ITGBL1: variants seen among roughly 807,000 people sequenced by gnomAD.
ITGBL1 encodes integrin subunit beta like 1.
A neutral mutation model predicts 68.5 loss-of-function variants in ITGBL1; 51 were observed. That is an observed-to-expected ratio of 0.74 (90% CI 0.59 to 0.94). The LOEUF is 0.94. ITGBL1 is among the 40% of genes least tolerant of loss of function. The pLI is 0.00. For synonymous variants in ITGBL1, 209 were observed against 227.3 expected, an observed-to-expected ratio of 0.92 and a Z score of 0.72; for missense variants, 649 against 647.4, an observed-to-expected ratio of 1.00 and a Z score of -0.03.
chr13:101,671,441 T>TTG lies in ITGBL1; in HGVS notation c.1016-21143_1016-21142insGT, dbSNP rs1555365712. 1.0e-3 allele frequency among the ~76,000 whole-genome samples: 95 copies of TTG among 91,818 alleles called. 5 individuals carry two copies. The highest frequency in any genetic ancestry group is 8.4e-3 in the Admixed American group (75 of 8,974). The allele number at this position is 91,818 out of a possible 152,430, so 60.2% of individuals were successfully genotyped here. ...GTATACCTTTGTTTTTTTTTTGTTT[T>TTG]TTTTTGTTTTTTTTTGAGACGGAGT... On this transcript the variant is annotated intron_variant, in intron 7 of 10. Transcript: ENST00000376180.
intron 7 of ITGBL1, among the ~76,000 whole-genome samples, chr13:101,647,190 T>C (rs769315190): frequency 2.0e-5 from 3 of 152,158 alleles, no homozygotes; most frequent in Non-Finnish European, 4.4e-5. Flanking sequence ...CACATAATCA[T>C]GAGAATAAAT....
chr13:101,533,866 C>T (rs147751644), intron 2 of ITGBL1, among the ~76,000 whole-genome samples: 6 of 152,184 alleles, frequency 3.9e-5, no homozygotes, highest in East Asian at 1.9e-4. Flanking sequence ...CTTTGGACAC[C>T]TTGAAATCAA....
chr13:101,673,995 T>TATTTTGATC (rs1389183609), intron 7 of ITGBL1, among the ~76,000 whole-genome samples: 6 of 152,216 alleles, frequency 3.9e-5, no homozygotes, highest in African/African-American at 1.4e-4. Context: ...TTTAGAGACG[T>TATTTTGATC]ATTTTGATCA....
chr13:101,670,262 A>G (rs2033324908), intron 7 of ITGBL1, among the ~76,000 whole-genome samples: 1 of 152,172 alleles, frequency 6.6e-6, no homozygotes. Context: ...CGGGCAGACA[A>G]TTCCAGTGTC....
chr13:101,516,886 T>A (rs545674781), intron 2 of ITGBL1, among the ~76,000 whole-genome samples: 1 of 152,302 alleles, frequency 6.6e-6, no homozygotes, highest in East Asian at 1.9e-4. Context: ...CCACTCCAAT[T>A]GTATGTATTT....
chr13:101,536,367 T>C (rs1236793143), intron 2 of ITGBL1, among the ~76,000 whole-genome samples: 1 of 152,048 alleles, frequency 6.6e-6, no homozygotes, highest in Non-Finnish European at 1.5e-5. Flanking sequence ...GAGTGACTAA[T>C]ACAGGAAAGA....
At position 101,598,576 on chromosome 13, in the gene ITGBL1, C is replaced by A. The variant is rs181254378; in HGVS notation, c.1015+277C>A. 7.9e-3 allele frequency among the ~76,000 whole-genome samples: 1,204 copies of A among 152,156 alleles called. 17 individuals carry two copies. Among genetic ancestry groups the A allele is most frequent in the African/African-American group, 0.028 (1,166 of 41,490 alleles). ...CATTAGGTATATCTCCTAATGCTATCCCTCCCCGCTGCCCCCACCACACAA... is the reference window on the plus strand; with the variant it reads ...CATTAGGTATATCTCCTAATGCTATACCTCCCCGCTGCCCCCACCACACAA... On this transcript the variant is annotated intron_variant, in intron 7 of 10. Transcript: ENST00000376180.
At chr13:101,558,479 T>G (rs1212826662) in intron 2 of ITGBL1, among the ~76,000 whole-genome samples, 1 of 152,178 alleles carries the variant, frequency 6.6e-6, no homozygotes, top group African/African-American at 2.4e-5. Context: ...TAAAAAAGAT[T>G]TCTGACAAAT....
rs570542280 is a variant in ITGBL1 at position 101,539,128 on chromosome 13, T to C, written c.317-28571T>C. On this transcript the variant is annotated intron_variant, in intron 2 of 10. Coordinates refer to ENST00000376180, the MANE Select transcript of ITGBL1 (RefSeq NM_004791.3). ...CAAGTTAGTTACATATGTATACATC[T>C]GCTGTGTTGGTGTGCTGCACCCATT... 1.8e-3 allele frequency among the ~76,000 whole-genome samples: 273 copies of C among 149,040 alleles called. 1 individual carries two copies. Among genetic ancestry groups the C allele is most frequent in the African/African-American group, 6.4e-3 (261 of 40,508 alleles).
At chr13:101,629,867 G>T (rs2031917060) in intron 7 of ITGBL1, among the ~76,000 whole-genome samples, 2 of 152,022 alleles carry the variant, frequency 1.3e-5, no homozygotes, top group Admixed American at 6.6e-5. Flanking sequence ...CTGTCACCCA[G>T]GCTGGAGTGC....
intron 2 of ITGBL1, among the ~76,000 whole-genome samples, chr13:101,487,710 C>T (rs746014845): frequency 2.8e-4 from 42 of 152,170 alleles, no homozygotes; most frequent in Non-Finnish European, 3.8e-4. Flanking sequence ...GAATCTCCTG[C>T]TCAGATATAC....
intron 2 of ITGBL1, among the ~76,000 whole-genome samples, chr13:101,486,114 A>AT (rs1300222715): frequency 1.4e-5 from 2 of 138,936 alleles, no homozygotes; most frequent in Admixed American, 7.6e-5. Context: ...CAACGAGTGG[A>AT]TAAAAAAAAA....
intron 2 of ITGBL1, among the ~76,000 whole-genome samples, chr13:101,562,759 T>C (rs184358145): frequency 3.9e-5 from 6 of 151,998 alleles, no homozygotes; most frequent in African/African-American, 1.2e-4. Context: ...AACAAGTAGA[T>C]AGAAAATTAG....
downstream of ITGBL1, chr13:101,720,634 ATTACAAGTTAG>A (rs901358018): frequency 4.0e-5 from 6 of 151,752 alleles, no homozygotes; most frequent in Admixed American, 1.3e-4. Flanking sequence ...ATTTGACTGT[ATTACAAGTTAG>A]TTAATTACTC....
intron 2 of ITGBL1, among the ~76,000 whole-genome samples, chr13:101,515,334 T>G (rs2049178505): frequency 6.9e-6 from 1 of 145,318 alleles, no homozygotes; most frequent in South Asian, 2.2e-4. Flanking sequence ...ACCCCGGGTA[T>G]TTTTTTTTTT....
At chr13:101,465,472 C>T (rs1400184844) in intron 2 of ITGBL1, among the ~76,000 whole-genome samples, 2 of 152,146 alleles carry the variant, frequency 1.3e-5, no homozygotes, top group Admixed American at 1.3e-4. Context: ...TATCTATTAA[C>T]AGATATGCTA....
chr13:101,549,615 A>G (rs1296193884), intron 2 of ITGBL1, among the ~76,000 whole-genome samples: 1 of 152,100 alleles, frequency 6.6e-6, no homozygotes, highest in Non-Finnish European at 1.5e-5. Flanking sequence ...ATATATGAGG[A>G]GAACTTCTAA....
chr13:101,590,502 G>C (rs940606697), intron 6 of ITGBL1, among the ~76,000 whole-genome samples: 6 of 152,048 alleles, frequency 3.9e-5, no homozygotes, highest in Non-Finnish European at 8.8e-5. Flanking sequence ...GGACTTCCTG[G>C]GTCCCGCATC....
At chr13:101,468,789 C>G (rs368459193) in intron 2 of ITGBL1, among the ~76,000 whole-genome samples, 2 of 152,174 alleles carry the variant, frequency 1.3e-5, no homozygotes, top group South Asian at 4.1e-4. Context: ...GTGAGATAGC[C>G]GAAATCACTG....
Sources: allele counts gnomAD v4.1 joint callset (sites outside exome capture counted in the v4.1 genomes callset), GRCh38; gene constraint gnomAD v4.1.1; transcripts MANE v1.5; gene names NCBI Gene and HGNC (gene_info 2026-07-23, HGNC 2026-07-21).